Variants in TECRL observed in about 807,000 individuals in gnomAD.
TECRL encodes trans-2,3-enoyl-CoA reductase like, also known as trans-2,3-enoyl-CoA reductase-like.
TECRL carries 63 observed loss-of-function variants against 52.8 expected under a neutral mutation model. That is an observed-to-expected ratio of 1.19 (90% CI 0.97 to 1.47). The LOEUF (loss-of-function observed/expected upper bound fraction) is 1.47. Ranked by LOEUF, TECRL falls within the 40% of genes most tolerant of loss-of-function variation. The probability of loss-of-function intolerance (pLI) is 0.00; values close to 1 mark genes in which losing one functional copy is unlikely to be tolerated. For missense variants in TECRL, 482 were observed against 429.6 expected, an observed-to-expected ratio of 1.12 and a Z score of -1.08; for synonymous variants, 164 against 141.9, an observed-to-expected ratio of 1.16 and a Z score of -1.10.
intron 5 of TECRL, among the ~76,000 whole-genome samples, chr4:64,312,475 T>C (rs967858481): frequency 2.0e-5 from 3 of 152,174 alleles, no homozygotes; most frequent in Admixed American, 1.3e-4. Flanking sequence ...TGTTTAAGAA[T>C]AGTAAGGCTG....
At chr4:64,364,312 A>G (rs944416120) in intron 2 of TECRL, among the ~76,000 whole-genome samples, 12 of 152,164 alleles carry the variant, frequency 7.9e-5, no homozygotes, top group South Asian at 2.1e-4. Context: ...AGAAGTTGGT[A>G]AGCTCTCATA....
chr4:64,342,925 G>T (rs1420268771), intron 2 of TECRL, among the ~76,000 whole-genome samples: 1 of 151,872 alleles, frequency 6.6e-6, no homozygotes, highest in Non-Finnish European at 1.5e-5. Flanking sequence ...GAAAATACAA[G>T]GTTATAAAAA....
At chr4:64,360,011 A>C (rs1721060434) in intron 2 of TECRL, among the ~76,000 whole-genome samples, 1 of 152,184 alleles carries the variant, frequency 6.6e-6, no homozygotes, top group Non-Finnish European at 1.5e-5. Flanking sequence ...CAAGAATCAT[A>C]GAGACAAGAA....
chr4:64,383,747 A>G (rs1722983085), intron 1 of TECRL, among the ~76,000 whole-genome samples: 1 of 151,830 alleles, frequency 6.6e-6, no homozygotes, highest in African/African-American at 2.4e-5. Context: ...TTTCTTTTTC[A>G]TTGAGATCTG....
intron 6 of TECRL, among the ~76,000 whole-genome samples, chr4:64,309,486 A>T (rs970478240): frequency 6.6e-6 from 1 of 152,138 alleles, no homozygotes. Context: ...AATCCCACAC[A>T]GATGTATATT....
chr4:64,321,039 G>A (rs1338811926), intron 4 of TECRL, among the ~76,000 whole-genome samples: 1 of 151,818 alleles, frequency 6.6e-6, no homozygotes, highest in African/African-American at 2.4e-5. Flanking sequence ...GCTCCTTACT[G>A]TACTGCAAAC....
At chr4:64,296,564 A>G (rs1723692827) in intron 8 of TECRL, among the ~76,000 whole-genome samples, 1 of 151,810 alleles carries the variant, frequency 6.6e-6, no homozygotes, top group African/African-American at 2.4e-5. Context: ...TGAAGACATT[A>G]AGAAAGGCTA....
At position 64,279,020 on chromosome 4, in the gene TECRL, A is replaced by T. The variant is rs1170695673; in HGVS notation, c.*1052T>A. ...TCCATTCATCTGTTGTTGGACACCTAGGTTGCTCCTATATCTTGGCTATTG... is the reference window on the plus strand; with the variant it reads ...TCCATTCATCTGTTGTTGGACACCTTGGTTGCTCCTATATCTTGGCTATTG... On this transcript the variant is annotated 3_prime_UTR_variant, in exon 12 of 12. Coordinates refer to ENST00000381210, the MANE Select transcript of TECRL (RefSeq NM_001010874.5). The T allele has an allele frequency of 6.5e-6, 1 of 152,770 alleles. No individual in the cohort carries two copies. The highest frequency in any genetic ancestry group is 2.4e-5 in the African/African-American group (1 of 41,438). The allele number at this position is 152,770 out of a possible 1,614,324, so 9.5% of individuals were successfully genotyped here.
intron 1 of TECRL, among the ~76,000 whole-genome samples, chr4:64,404,803 C>G (rs1724598521): frequency 1.3e-5 from 2 of 151,954 alleles, no homozygotes; most frequent in African/African-American, 4.8e-5. Context: ...AACAAATATT[C>G]TAACAATAAT....
At chr4:64,404,013 A>C (rs1440078991) in intron 1 of TECRL, among the ~76,000 whole-genome samples, 1 of 152,094 alleles carries the variant, frequency 6.6e-6, no homozygotes, top group Non-Finnish European at 1.5e-5. Context: ...TACAAGGTAA[A>C]GTATTAAAAT....
intron 1 of TECRL, among the ~76,000 whole-genome samples, chr4:64,391,026 C>T (rs1041210294): frequency 2.0e-5 from 3 of 151,738 alleles, no homozygotes; most frequent in African/African-American, 7.2e-5. Flanking sequence ...AATGCTACCA[C>T]GTATTGCCAG....
chr4:64,409,073 G>A (rs1194957911), intron 1 of TECRL, 45 bp downstream of exon 1: 3 of 1,467,962 alleles, frequency 2.0e-6, no homozygotes, highest in African/African-American at 1.4e-5. Context: ...GGGCAGAGAA[G>A]AAACACTTAA....
At chr4:64,326,764 C>T (rs945983455) in intron 3 of TECRL, among the ~76,000 whole-genome samples, 2 of 152,084 alleles carry the variant, frequency 1.3e-5, no homozygotes, top group Admixed American at 6.6e-5. Flanking sequence ...AGCTAAAGAA[C>T]TGGTTAAAAT....
At chr4:64,331,941 T>A (rs757884035) in intron 2 of TECRL, among the ~76,000 whole-genome samples, 1 of 152,132 alleles carries the variant, frequency 6.6e-6, no homozygotes, top group Non-Finnish European at 1.5e-5. Context: ...TTAATTGCAA[T>A]GACAAACTAC....
intron 2 of TECRL, among the ~76,000 whole-genome samples, chr4:64,346,391 C>T (rs1408038208): frequency 1.3e-5 from 2 of 152,236 alleles, no homozygotes; most frequent in Non-Finnish European, 2.9e-5. Flanking sequence ...GAGAGCTCTG[C>T]TCCTACAGCC....
intron 1 of TECRL, 47 bp from the exon 2 acceptor site, chr4:64,375,270 G>A (rs766492841): frequency 2.0e-6 from 2 of 1,004,300 alleles, no homozygotes; most frequent in Non-Finnish European, 1.4e-6. Context: ...CTGTTAATTT[G>A]TTTTCTATCC....
chr4:64,291,649 C>T (rs1029161513), intron 8 of TECRL, among the ~76,000 whole-genome samples: 3 of 151,758 alleles, frequency 2.0e-5, no homozygotes, highest in East Asian at 1.9e-4. Flanking sequence ...TTTATCACAA[C>T]AAAACTAAAT....
chr4:64,378,545 T>C (rs1332810753), intron 1 of TECRL, among the ~76,000 whole-genome samples: 1 of 152,104 alleles, frequency 6.6e-6, no homozygotes, highest in East Asian at 1.9e-4. Context: ...AAATAGAATG[T>C]ATATTTGCAT....
chr4:64,310,572 T>TAC (rs1724616512), intron 5 of TECRL, among the ~76,000 whole-genome samples: 3 of 152,174 alleles, frequency 2.0e-5, no homozygotes, highest in Non-Finnish European at 2.9e-5. Flanking sequence ...AAAAATGTGA[T>TAC]TGATTTACAG....
Sources: allele counts gnomAD v4.1 joint callset (sites outside exome capture counted in the v4.1 genomes callset), GRCh38; gene constraint gnomAD v4.1.1; transcripts MANE v1.5; gene names NCBI Gene and HGNC (gene_info 2026-07-23, HGNC 2026-07-21).